SLCO5A1: variants seen among roughly 807,000 people sequenced by gnomAD.
SLCO5A1 encodes the protein solute carrier organic anion transporter family member 5A1.
Under a neutral mutation model 65.1 loss-of-function variants are expected in SLCO5A1, and 39 were observed. The observed-to-expected ratio is 0.60, with a 90% CI of 0.46 to 0.78. The LOEUF (loss-of-function observed/expected upper bound fraction) is 0.78, where lower values mean the gene tolerates loss of function less well. SLCO5A1 is among the 30% of genes least tolerant of loss of function. The probability of loss-of-function intolerance (pLI) is 0.00; values close to 1 mark genes in which losing one functional copy is unlikely to be tolerated. For synonymous variants in SLCO5A1, 438 were observed against 415.7 expected (o/e 1.05, Z -0.65); for missense variants, 1,029 against 1,069.4 (o/e 0.96, Z 0.53).
intron 2 of SLCO5A1, among the ~76,000 whole-genome samples, chr8:69,770,967 T>G (rs1312409927): frequency 2.0e-5 from 3 of 152,190 alleles, no homozygotes; most frequent in African/African-American, 7.2e-5. Context: ...AATCTCTCTT[T>G]CACTTTTAGC....
chr8:69,673,404 T>TA, intron 9 of SLCO5A1, 78 bp from the exon 10 acceptor site: 1 of 1,288,392 alleles, frequency 7.8e-7, no homozygotes, highest in East Asian at 2.3e-5. Flanking sequence ...ATTAGCAAGG[T>TA]ACTTGTGTGC....
At chr8:69,782,824 GTT>G (rs936692563) in intron 2 of SLCO5A1, among the ~76,000 whole-genome samples, 3 of 152,054 alleles carry the variant, frequency 2.0e-5, no homozygotes, top group Non-Finnish European at 4.4e-5. Context: ...CAGGCATTTT[GTT>G]TTAAAAATTT....
chr8:69,799,427 A>G (rs1327978633), intron 2 of SLCO5A1, among the ~76,000 whole-genome samples: 1 of 152,212 alleles, frequency 6.6e-6, no homozygotes, highest in African/African-American at 2.4e-5. Context: ...ATATGCAACT[A>G]ACAAAAACTA....
intron 2 of SLCO5A1, among the ~76,000 whole-genome samples, chr8:69,805,042 TG>T (rs1456357795): frequency 1.3e-5 from 2 of 151,964 alleles, no homozygotes; most frequent in Non-Finnish European, 2.9e-5. Flanking sequence ...TCATTCAGGT[TG>T]GGGTGGTCCT....
intron 6 of SLCO5A1, among the ~76,000 whole-genome samples, chr8:69,703,294 C>A (rs562735435): frequency 3.9e-5 from 6 of 152,114 alleles, no homozygotes; most frequent in Admixed American, 1.3e-4. Context: ...ACTATTTATT[C>A]AATCTCACTT....
intron 3 of SLCO5A1, among the ~76,000 whole-genome samples, chr8:69,757,097 T>C (rs1409812262): frequency 6.6e-6 from 1 of 152,278 alleles, no homozygotes; most frequent in Non-Finnish European, 1.5e-5. Flanking sequence ...AGTGCTGTTA[T>C]CAGCTGCTAA....
rs1423592923 is a variant in SLCO5A1 at position 69,679,379 on chromosome 8, T to G, written c.2023A>C (p.Arg675=). The G allele has an allele frequency of 6.2e-7, 1 of 1,614,106 alleles. No homozygotes were observed. The highest frequency in any genetic ancestry group is 8.5e-7 in the Non-Finnish European group (1 of 1,180,030). Residue 675 remains arginine, a splice_region_variant and synonymous_variant, in exon 8 of 10, where the codon AGG becomes CGG. Coordinates refer to ENST00000260126, the MANE Select transcript of SLCO5A1 (RefSeq NM_030958.3). ...CCAGAAGTTGAATGCTGTTCTCACCTGAGTGTTACTATGATAGCTGATGGT... is the reference window on the plus strand; with the variant it reads ...CCAGAAGTTGAATGCTGTTCTCACCGGAGTGTTACTATGATAGCTGATGGT... ...AQPSAIIVTL[R]SVEDEERPFA...
intron 2 of SLCO5A1, among the ~76,000 whole-genome samples, chr8:69,767,242 G>C (rs1316706507): frequency 6.6e-6 from 1 of 152,084 alleles, no homozygotes; most frequent in Admixed American, 6.5e-5. Context: ...CTGAGAGCAC[G>C]CTAAATCATT....
chr8:69,788,275 A>G (rs573322381), intron 2 of SLCO5A1, among the ~76,000 whole-genome samples: 2 of 152,286 alleles, frequency 1.3e-5, no homozygotes, highest in South Asian at 4.1e-4. Flanking sequence ...TACCATTACA[A>G]GGGAAAACTT....
chr8:69,795,183 A>G (rs1819438829), intron 2 of SLCO5A1, among the ~76,000 whole-genome samples: 1 of 152,144 alleles, frequency 6.6e-6, no homozygotes, highest in Non-Finnish European at 1.5e-5. Context: ...TCCTTCTCAC[A>G]TTGCAAAATA....
At chr8:69,768,131 G>A (rs529156132) in intron 2 of SLCO5A1, among the ~76,000 whole-genome samples, 1 of 152,162 alleles carries the variant, frequency 6.6e-6, no homozygotes, top group African/African-American at 2.4e-5. Flanking sequence ...TACTCGGGAG[G>A]CTGAAGTGGG....
chr8:69,757,126 T>G lies in SLCO5A1; in HGVS notation c.1041-1485A>C, dbSNP rs543752645. ...CTGCTAAAGGTCACAGTTGAGAGAATGATTCCTACAATTAGTCATTAATAA... is the reference window on the plus strand; with the variant it reads ...CTGCTAAAGGTCACAGTTGAGAGAAGGATTCCTACAATTAGTCATTAATAA... On this transcript the variant is annotated intron_variant, in intron 3 of 9. Coordinates refer to ENST00000260126, the MANE Select transcript of SLCO5A1 (RefSeq NM_030958.3). Among the ~76,000 whole-genome samples the G allele has an allele frequency of 3.6e-4, 55 of 152,356 alleles. No individual in the cohort carries two copies. In the South Asian group the frequency reaches 0.011, roughly 30 times the overall value.
intron 2 of SLCO5A1, among the ~76,000 whole-genome samples, chr8:69,782,588 A>G (rs1049811059): frequency 4.0e-5 from 6 of 151,868 alleles, no homozygotes; most frequent in African/African-American, 1.5e-4. Context: ...TCAAAAAAAA[A>G]AAAAAAAAAA....
At chr8:69,774,729 C>T (rs149221667) in intron 2 of SLCO5A1, among the ~76,000 whole-genome samples, 148 of 152,352 alleles carry the variant, frequency 9.7e-4, no homozygotes, top group Middle Eastern at 3.4e-3. Context: ...CCTAAGTCCT[C>T]AAATGACTAT....
At position 69,669,211 on chromosome 8, in the gene SLCO5A1, T is replaced by C. The variant is rs973269701; in HGVS notation, c.*3658A>G. ...TAGCTAAATAAATGTAAATTTACCT[T>C]GAAAATCTAGTTAAACATTAAATCT... On this transcript the variant is annotated 3_prime_UTR_variant, in exon 10 of 10. Coordinates refer to ENST00000260126, the MANE Select transcript of SLCO5A1 (RefSeq NM_030958.3). The C allele has an allele frequency of 2.0e-5, 3 of 152,220 alleles. No individual in the cohort carries two copies. Among genetic ancestry groups the C allele is most frequent in the Admixed American group, 1.3e-4 (2 of 15,292 alleles). 9.4% of individuals were successfully genotyped at this position (152,220 alleles called of 1,614,324 possible). A position where few individuals can be genotyped will look rare whatever the true frequency, so the allele number is the denominator to read the frequency against.
chr8:69,694,542 G>C lies in SLCO5A1; in HGVS notation c.1622+10489C>G, dbSNP rs188709518. On this transcript the variant is annotated intron_variant, in intron 6 of 9. Transcript: ENST00000260126. ...AGGCCAGCCACATACTGTTGAGCAGGTTGTACACTGCACAAGGGCACCCAG... is the reference window on the plus strand; with the variant it reads ...AGGCCAGCCACATACTGTTGAGCAGCTTGTACACTGCACAAGGGCACCCAG... 2.0e-5 allele frequency among the ~76,000 whole-genome samples: 3 copies of C among 152,294 alleles called. No homozygotes were observed. In the East Asian group the frequency reaches 5.8e-4, roughly 29 times the overall value.
Position 69,761,804 on chromosome 8 carries a change from A to G in SLCO5A1, c.979T>C (p.Tyr327His). 1 of 1,614,062 alleles carries G rather than the reference A, an allele frequency of 6.2e-7. No individual in the cohort carries two copies. Residue 327 changes from tyrosine (Y) to histidine (H), a missense_variant, in exon 3 of 10, where the codon TAT becomes CAT. Around this residue, in one of 3 missense-constraint regions of SLCO5A1, gnomAD observed 647 missense variants for 647.5 expected, o/e 1.00. Coordinates refer to ENST00000260126, the MANE Select transcript of SLCO5A1 (RefSeq NM_030958.3). ...YLLGGLLIGF[Y>H]VDPRNPVHLD... ...TGAACAGGATTTCTGGGATCAACAT[A>G]AAAACCAATAAGAAGTCCACCTAAT...
chr8:69,790,594 T>C (rs1489360337), intron 2 of SLCO5A1, among the ~76,000 whole-genome samples: 1 of 152,040 alleles, frequency 6.6e-6, no homozygotes, highest in African/African-American at 2.4e-5. Context: ...GAGCTATGCT[T>C]GTGCCTGTGA....
At chr8:69,778,603 T>G (rs998927697) in intron 2 of SLCO5A1, among the ~76,000 whole-genome samples, 1 of 152,178 alleles carries the variant, frequency 6.6e-6, no homozygotes, top group Non-Finnish European at 1.5e-5. Context: ...TGAATACATA[T>G]TAAAATAAGC....
Sources: gnomAD v4.1 joint callset for allele counts (sites outside exome capture counted in the v4.1 genomes callset) on GRCh38, gnomAD v4.1.1 for gene constraint, gnomAD v4.1.1 regional missense constraint, MANE v1.5 for transcripts, NCBI Gene and HGNC (gene_info 2026-07-23, HGNC 2026-07-21) for gene names.